The following PAPPA2 variants were observed in gnomAD, a reference collection of about 807,000 sequenced individuals.
PAPPA2 encodes the protein pappalysin-2.
In PAPPA2, 86 loss-of-function variants were observed where a neutral mutation model predicts 176.4. That is an observed-to-expected ratio of 0.49 (90% CI 0.41 to 0.58). The LOEUF is 0.58. Among genes scored for constraint, PAPPA2 ranks in the 20% least tolerant of loss-of-function variants. The probability of loss-of-function intolerance (pLI) is 0.00; values close to 1 mark genes in which losing one functional copy is unlikely to be tolerated. For missense variants in PAPPA2, 2,073 were observed against 2,256.9 expected, an observed-to-expected ratio of 0.92 and a Z score of 1.65; for synonymous variants, 809 against 852.2, an observed-to-expected ratio of 0.95 and a Z score of 0.88.
chr1:176,598,664 A>G (rs879273009), intron 3 of PAPPA2, among the ~76,000 whole-genome samples: 5 of 152,132 alleles, frequency 3.3e-5, no homozygotes, highest in Admixed American at 6.5e-5. Flanking sequence ...TATATTTATG[A>G]AAATGTTCCC....
In PAPPA2 at chr1:176,840,164, T is replaced by G. The variant is rs1471593937; in HGVS notation, c.5203-9T>G. ...TATACTGAGATGTTGCCTTCTAACCTCCCTACAGCCCTTCCAAGCAGATGG... is the reference window on the plus strand; with the variant it reads ...TATACTGAGATGTTGCCTTCTAACCGCCCTACAGCCCTTCCAAGCAGATGG... On this transcript the variant is annotated splice_polypyrimidine_tract_variant and intron_variant, in intron 21 of 22. Coordinates refer to ENST00000367662, the MANE Select transcript of PAPPA2 (RefSeq NM_020318.3). The G allele has an allele frequency of 6.2e-7, 1 of 1,609,226 alleles. No homozygotes were observed. Among genetic ancestry groups the G allele is most frequent in the African/African-American group, 1.3e-5 (1 of 74,830 alleles).
intron 2 of PAPPA2, among the ~76,000 whole-genome samples, chr1:176,566,986 T>C (rs1358790467): frequency 1.3e-5 from 2 of 152,198 alleles, no homozygotes; most frequent in Non-Finnish European, 1.5e-5. Context: ...TTCCATACTT[T>C]CGCTCTTGAG....
chr1:176,770,919 C>A, intron 16 of PAPPA2, 48 bp from the exon 17 acceptor site: 1 of 1,552,194 alleles, frequency 6.4e-7, no homozygotes, highest in Non-Finnish European at 8.9e-7. Context: ...GATTATCTTT[C>A]TGGGCTCTCT....
chr1:176,821,946 C>G (rs867423708), intron 21 of PAPPA2, among the ~76,000 whole-genome samples: 3 of 152,182 alleles, frequency 2.0e-5, no homozygotes, highest in Admixed American at 6.5e-5. Flanking sequence ...TTATCCAGTC[C>G]TAGCATCAGG....
chr1:176,669,466 T>C (rs911816606), intron 3 of PAPPA2, among the ~76,000 whole-genome samples: 1 of 152,094 alleles, frequency 6.6e-6, no homozygotes, highest in Non-Finnish European at 1.5e-5. Context: ...ATAAGGAGAA[T>C]GTGACTAATA....
At chr1:176,517,624 AG>A (rs1648987871) in intron 1 of PAPPA2, among the ~76,000 whole-genome samples, 1 of 152,216 alleles carries the variant, frequency 6.6e-6, no homozygotes. Flanking sequence ...AATTAAAAAC[AG>A]GTGACTGTGA....
chr1:176,584,230 T>C (rs930246868), intron 2 of PAPPA2, among the ~76,000 whole-genome samples: 2 of 152,164 alleles, frequency 1.3e-5, no homozygotes, highest in African/African-American at 2.4e-5. Context: ...ATATTACATC[T>C]AGTTGATCTG....
chr1:176,713,178 C>T (rs955432882), intron 12 of PAPPA2, among the ~76,000 whole-genome samples: 1 of 150,378 alleles, frequency 6.6e-6, no homozygotes, highest in African/African-American at 2.5e-5. Flanking sequence ...TTTTAAGAGG[C>T]AGGGTCTCGC....
At chr1:176,741,161 GAGGAATCTGGATACAGCTTCGCC>G (rs1315869400) in intron 14 of PAPPA2, among the ~76,000 whole-genome samples, 2 of 152,180 alleles carry the variant, frequency 1.3e-5, no homozygotes, top group Non-Finnish European at 2.9e-5. Flanking sequence ...TTCTGAGGGT[GAGGAATCTGGATACAGCTTCGCC>G]AGGTATCTCT....
At chr1:176,657,760 G>T (rs1057483763) in intron 3 of PAPPA2, among the ~76,000 whole-genome samples, 2 of 151,990 alleles carry the variant, frequency 1.3e-5, no homozygotes, top group Non-Finnish European at 2.9e-5. Flanking sequence ...GCAGTTATCT[G>T]TGTGGTTATG....
chr1:176,512,487 G>A (rs1033122982), intron 1 of PAPPA2, among the ~76,000 whole-genome samples: 1 of 152,096 alleles, frequency 6.6e-6, no homozygotes, highest in South Asian at 2.1e-4. Flanking sequence ...CCAAGTAAAA[G>A]AAACTAGATA....
At position 176,690,263 on chromosome 1, in the gene PAPPA2, A is replaced by G; in HGVS notation, c.2264A>G (p.Asn755Ser). The change falls in exon 5 of 23, where the codon AAT (asparagine) becomes AGT (serine). Residue 755 changes from asparagine to serine, a missense_variant. This residue lies in a region of PAPPA2 where 1,196 missense variants were observed against 1,330.4 expected (regional missense o/e 0.90). Coordinates refer to ENST00000367662, the MANE Select transcript of PAPPA2 (RefSeq NM_020318.3). ...FKGVSERESC[N>S]DPCKETVPSM... ...GGAGTCAGTGAAAGAGAATCCTGCA[A>G]TGACCCCTGCAAGGAGACAGTGCCA... 6.2e-7 allele frequency: 1 copy of G among 1,614,090 alleles called. No homozygotes were observed.
At chr1:176,767,406 C>A (rs1332989769) in intron 15 of PAPPA2, among the ~76,000 whole-genome samples, 6 of 152,144 alleles carry the variant, frequency 3.9e-5, no homozygotes, top group Non-Finnish European at 7.4e-5. Flanking sequence ...ATGGCACGAT[C>A]TCAGCTCACT....
intron 20 of PAPPA2, among the ~76,000 whole-genome samples, chr1:176,794,589 T>C (rs184883332): frequency 2.7e-4 from 41 of 152,332 alleles, no homozygotes; most frequent in African/African-American, 9.9e-4. Flanking sequence ...AGGTCATTTG[T>C]CTTTTTTTGT....
At chr1:176,733,730 T>A (rs1404722559) in intron 12 of PAPPA2, among the ~76,000 whole-genome samples, 1 of 152,144 alleles carries the variant, frequency 6.6e-6, no homozygotes, top group African/African-American at 2.4e-5. Flanking sequence ...GGCTTTGTCT[T>A]AAATGGGTTT....
chr1:176,544,558 C>G (rs1007308821), intron 1 of PAPPA2, among the ~76,000 whole-genome samples: 1 of 152,252 alleles, frequency 6.6e-6, no homozygotes, highest in South Asian at 2.1e-4. Context: ...CTCTGGCCAC[C>G]AATTGAGTGG....
At chr1:176,541,527 C>T (rs1469500192) in intron 1 of PAPPA2, among the ~76,000 whole-genome samples, 1 of 152,134 alleles carries the variant, frequency 6.6e-6, no homozygotes, top group Non-Finnish European at 1.5e-5. Flanking sequence ...TGGGCAGGCA[C>T]CAGGGATCAT....
Position 176,556,962 on chromosome 1 carries a change from G to C in PAPPA2, c.640G>C (p.Gly214Arg). Reference sequence around the variant, plus strand: ...GGCGGAAGATGGGCAGGGAGACTCCGGTATCTCTTCACATTTCCAACCTTG... The same window carrying C: ...GGCGGAAGATGGGCAGGGAGACTCCCGTATCTCTTCACATTTCCAACCTTG... ...RRAEDGQGDS[G>R]ISSHFQPWPK... is the part of the protein sequence containing the mutation. The change falls in exon 2 of 23, where the codon GGT (glycine) becomes CGT (arginine). Residue 214 changes from glycine (G) to arginine (R), a missense_variant. Gly to Arg is a moderately radical substitution (Grantham distance 125). Transcript: ENST00000367662. 1.2e-6 allele frequency: 2 copies of C among 1,613,986 alleles called. No homozygotes were observed. The highest frequency in any genetic ancestry group is 1.7e-6 in the Non-Finnish European group (2 of 1,180,000).
intron 15 of PAPPA2, among the ~76,000 whole-genome samples, chr1:176,767,444 T>A (rs1439655695): frequency 6.6e-6 from 1 of 151,750 alleles, no homozygotes; most frequent in Non-Finnish European, 1.5e-5. Flanking sequence ...ACCTCCCGGG[T>A]TCAAGCGATT....
Sources: allele counts gnomAD v4.1 joint callset (sites outside exome capture counted in the v4.1 genomes callset), GRCh38; gene constraint gnomAD v4.1.1; regional missense constraint gnomAD v4.1.1; transcripts MANE v1.5; gene names NCBI Gene and HGNC (gene_info 2026-07-23, HGNC 2026-07-21).